The following APPBP2 variants were observed in gnomAD, a reference collection of about 807,000 sequenced individuals.
APPBP2 encodes amyloid beta precursor protein binding protein 2.
Under a neutral mutation model 76.0 loss-of-function variants are expected in APPBP2, and 15 were observed. That is an observed-to-expected ratio of 0.20 (90% confidence interval 0.13 to 0.30). The LOEUF (loss-of-function observed/expected upper bound fraction) is 0.30, where lower values mean the gene tolerates loss of function less well. Ranked by LOEUF, APPBP2 falls within the 10% of genes least tolerant of loss-of-function variation. The probability of loss-of-function intolerance (pLI) is 1.00; values close to 1 mark genes in which losing one functional copy is unlikely to be tolerated. For missense variants in APPBP2, 401 were observed against 687.2 expected, an observed-to-expected ratio of 0.58 and a Z score of 4.66; for synonymous variants, 222 against 242.2, an observed-to-expected ratio of 0.92 and a Z score of 0.77.
Position 60,446,876 on chromosome 17 carries a change from GGTC to G in APPBP2, c.*702_*704del, listed in dbSNP as rs2090351272. On this transcript the variant is annotated 3_prime_UTR_variant, in exon 13 of 13. Transcript: ENST00000083182. ...AGGCTGGTCCTTTTTAGATCCTCCT[GGTC>G]CTGTTAGCAAATGCTATCAGAGCAT... The G allele has an allele frequency of 6.6e-6, 1 of 152,048 alleles. No individual in the cohort carries two copies. Among genetic ancestry groups the G allele is most frequent in the African/African-American group, 2.4e-5 (1 of 41,344 alleles). The allele number at this position is 152,048 out of a possible 1,614,324, so 9.4% of individuals were successfully genotyped here.
intron 1 of APPBP2, among the ~76,000 whole-genome samples, chr17:60,518,014 T>G (rs1319098480): frequency 6.6e-6 from 1 of 152,038 alleles, no homozygotes; most frequent in Admixed American, 6.6e-5. Context: ...ATGCCCTTCA[T>G]CTGTCAAATG....
chr17:60,513,719 C>T (rs944331792), intron 1 of APPBP2, among the ~76,000 whole-genome samples: 2 of 151,634 alleles, frequency 1.3e-5, no homozygotes, highest in Admixed American at 6.6e-5. Flanking sequence ...AAAAATTAGC[C>T]GGGCGTGGTG....
At chr17:60,490,771 G>A (rs1054859079) in intron 3 of APPBP2, among the ~76,000 whole-genome samples, 8 of 152,092 alleles carry the variant, frequency 5.3e-5, no homozygotes, top group Non-Finnish European at 7.4e-5. Flanking sequence ...TAAGTCTCAC[G>A]AGATCTGATG....
intron 1 of APPBP2, among the ~76,000 whole-genome samples, chr17:60,512,236 G>A (rs1344977591): frequency 6.6e-6 from 1 of 151,750 alleles, no homozygotes; most frequent in South Asian, 2.1e-4. Flanking sequence ...CCGAGTAGCT[G>A]GGACTACAAG....
intron 4 of APPBP2, among the ~76,000 whole-genome samples, chr17:60,470,366 C>A (rs1197396361): frequency 6.6e-6 from 1 of 151,200 alleles, no homozygotes; most frequent in Non-Finnish European, 1.5e-5. Context: ...CTTAAGTGAT[C>A]CTCCCACCTC....
At chr17:60,521,393 TTCACTCACCAC>T (rs1158570842) in intron 1 of APPBP2, among the ~76,000 whole-genome samples, 1 of 152,200 alleles carries the variant, frequency 6.6e-6, no homozygotes, top group Non-Finnish European at 1.5e-5. Flanking sequence ...GGCCTTCACA[TTCACTCACCAC>T]TCACTCACTG....
At chr17:60,460,098 T>C (rs2090465790) in intron 9 of APPBP2, 1 of 152,222 alleles carries the variant, frequency 6.6e-6, no homozygotes, top group Admixed American at 6.5e-5. Context: ...TCAAAAATTA[T>C]TGAAGGAAAT....
intron 6 of APPBP2, chr17:60,462,492 C>G (rs1386863889): frequency 6.3e-6 from 1 of 159,732 alleles, no homozygotes; most frequent in Admixed American, 6.3e-5. Context: ...TTCAAGTTTT[C>G]CTATTAATTC....
chr17:60,466,750 T>C (rs1350801642), intron 4 of APPBP2, among the ~76,000 whole-genome samples: 1 of 152,230 alleles, frequency 6.6e-6, no homozygotes, highest in Non-Finnish European at 1.5e-5. Context: ...ACATTTAATC[T>C]TTTTGTTCCA....
chr17:60,470,979 T>C (rs1056885431), intron 4 of APPBP2, among the ~76,000 whole-genome samples: 4 of 151,686 alleles, frequency 2.6e-5, no homozygotes, highest in African/African-American at 4.9e-5. Flanking sequence ...TTTTTTTCAG[T>C]AGAGACAGAG....
chr17:60,462,895 G>C (rs1190959248), intron 6 of APPBP2, among the ~76,000 whole-genome samples: 2 of 144,108 alleles, frequency 1.4e-5, no homozygotes, highest in Non-Finnish European at 3.0e-5. Context: ...AGCCTGCAGT[G>C]ACCCGAGATC....
intron 1 of APPBP2, among the ~76,000 whole-genome samples, chr17:60,520,464 T>C (rs1429919202): frequency 2.6e-5 from 4 of 151,610 alleles, no homozygotes; most frequent in Admixed American, 2.0e-4. Flanking sequence ...TCCCAGCTAC[T>C]TGGGAGGCTG....
At chr17:60,523,641 C>T (rs956701507) in intron 1 of APPBP2, among the ~76,000 whole-genome samples, 2 of 152,092 alleles carry the variant, frequency 1.3e-5, no homozygotes, top group Non-Finnish European at 2.9e-5. Flanking sequence ...CCAGCTTGGG[C>T]AAAACAGCGA....
chr17:60,444,612 C>A lies in APPBP2; in HGVS notation c.*2969G>T, dbSNP rs893221886. 3 of 151,860 alleles carry A rather than the reference C, an allele frequency of 2.0e-5. No individual in the cohort carries two copies. The highest frequency in any genetic ancestry group is 7.3e-5 in the African/African-American group (3 of 41,340). The allele number at this position is 151,860 out of a possible 1,614,324, so 9.4% of individuals were successfully genotyped here. On this transcript the variant is annotated 3_prime_UTR_variant, in exon 13 of 13. Coordinates refer to ENST00000083182, the MANE Select transcript of APPBP2 (RefSeq NM_006380.5). ...AAGCAATAGTGAGCCAATTTTTAAC[C>A]AAGCAGAGACAGAGATTTGATGGTA...
intron 1 of APPBP2, among the ~76,000 whole-genome samples, chr17:60,510,591 C>T (rs538609576): frequency 1.1e-3 from 162 of 151,534 alleles, no homozygotes; most frequent in Non-Finnish European, 2.0e-3. Flanking sequence ...AGCATGGTGG[C>T]GTGTGCCCCA....
intron 3 of APPBP2, among the ~76,000 whole-genome samples, chr17:60,487,630 G>A (rs910389238): frequency 2.6e-5 from 4 of 152,162 alleles, no homozygotes; most frequent in Non-Finnish European, 5.9e-5. Flanking sequence ...TCCTTGCGAT[G>A]GGTTCGAACA....
At chr17:60,511,879 G>T (rs968810093) in intron 1 of APPBP2, among the ~76,000 whole-genome samples, 1 of 151,874 alleles carries the variant, frequency 6.6e-6, no homozygotes, top group Non-Finnish European at 1.5e-5. Context: ...ATTATATAAA[G>T]ATATATTTTT....
At chr17:60,486,443 AT>A (rs1225077246) in intron 3 of APPBP2, among the ~76,000 whole-genome samples, 1 of 151,780 alleles carries the variant, frequency 6.6e-6, no homozygotes, top group Non-Finnish European at 1.5e-5. Context: ...TCCCTTTACC[AT>A]TATGTGATGG....
At chr17:60,525,625 G>C (rs151004133) in intron 1 of APPBP2, among the ~76,000 whole-genome samples, 169 bp downstream of exon 1, 1 of 152,192 alleles carries the variant, frequency 6.6e-6, no homozygotes, top group Non-Finnish European at 1.5e-5. Context: ...ACAGGGCATA[G>C]GGAGATGGGG....
Sources: allele counts gnomAD v4.1 joint callset (sites outside exome capture counted in the v4.1 genomes callset), GRCh38; gene constraint gnomAD v4.1.1; transcripts MANE v1.5; gene names NCBI Gene and HGNC (gene_info 2026-07-23, HGNC 2026-07-21).